The following PHACTR1 variants were observed in gnomAD, a reference collection of about 807,000 sequenced individuals.
The protein encoded by PHACTR1 is RPEL repeat containing 1.
A neutral mutation model predicts 69.2 loss-of-function variants in PHACTR1; 16 were observed. That is an observed-to-expected ratio of 0.23 (90% CI 0.16 to 0.35). PHACTR1 has a LOEUF of 0.35. Among genes scored for constraint, PHACTR1 ranks in the 10% least tolerant of loss-of-function variants. The pLI is 1.00. For synonymous variants in PHACTR1, 312 were observed against 284.5 expected (o/e 1.10, Z -0.97); for missense variants, 510 against 734.7 (o/e 0.69, Z 3.54).
At chr6:13,086,593 G>A (rs1362468739) in intron 5 of PHACTR1, among the ~76,000 whole-genome samples, 6 of 152,084 alleles carry the variant, frequency 3.9e-5, no homozygotes, top group Non-Finnish European at 4.4e-5. Flanking sequence ...TATGTAGCAC[G>A]TAGCATTTTG....
intron 4 of PHACTR1, among the ~76,000 whole-genome samples, chr6:12,799,229 C>T (rs556260666): frequency 2.0e-5 from 3 of 152,116 alleles, no homozygotes; most frequent in Admixed American, 6.5e-5. Context: ...CTTTACCCAT[C>T]GGATATGTCA....
intron 4 of PHACTR1, among the ~76,000 whole-genome samples, chr6:13,034,888 C>T (rs977700855): frequency 2.0e-5 from 3 of 152,158 alleles, no homozygotes; most frequent in Non-Finnish European, 4.4e-5. Context: ...AAATTACTTT[C>T]AATGTTTCTT....
chr6:13,024,574 G>GAGC (rs2127675033), intron 4 of PHACTR1, among the ~76,000 whole-genome samples: 1 of 152,240 alleles, frequency 6.6e-6, no homozygotes, highest in East Asian at 1.9e-4. Context: ...CACCAGACAG[G>GAGC]AGCTCATCAT....
At chr6:13,239,582 GA>G (rs929548462) in intron 10 of PHACTR1, among the ~76,000 whole-genome samples, 1 of 152,192 alleles carries the variant, frequency 6.6e-6, no homozygotes, top group African/African-American at 2.4e-5. Context: ...AGACGCATTG[GA>G]AGGAGGTAGA....
intron 7 of PHACTR1, among the ~76,000 whole-genome samples, chr6:13,190,119 G>A (rs1763336048): frequency 6.6e-6 from 1 of 150,376 alleles, no homozygotes; most frequent in South Asian, 2.1e-4. Flanking sequence ...CACCTCCTGG[G>A]TTCAAGTGAT....
At position 13,287,310 on chromosome 6, in the gene PHACTR1, A is replaced by G; in HGVS notation, c.*232A>G. The G allele has an allele frequency of 1.8e-6, 1 of 549,664 alleles. No individual in the cohort carries two copies. Among genetic ancestry groups the G allele is most frequent in the Non-Finnish European group, 3.1e-6 (1 of 318,648 alleles). 34.0% of individuals were successfully genotyped at this position (549,664 alleles called of 1,614,324 possible). ...CACTTCTGACACCAAAATGCATCCC[A>G]ACCCCCGGCAGTGCCAAGGGCACCA... On this transcript the variant is annotated 3_prime_UTR_variant, in exon 15 of 15. Transcript: ENST00000332995.
At chr6:12,725,558 T>A (rs1015679666) in intron 3 of PHACTR1, among the ~76,000 whole-genome samples, 1 of 152,178 alleles carries the variant, frequency 6.6e-6, no homozygotes. Flanking sequence ...ATAAATGGCT[T>A]TACTTCTTTA....
At chr6:12,764,944 G>A (rs905094450) in intron 4 of PHACTR1, among the ~76,000 whole-genome samples, 7 of 152,172 alleles carry the variant, frequency 4.6e-5, no homozygotes, top group Non-Finnish European at 8.8e-5. Flanking sequence ...AGGCACAGAC[G>A]TGGGTTTGAA....
intron 4 of PHACTR1, among the ~76,000 whole-genome samples, chr6:13,042,300 G>A (rs1383386000): frequency 6.6e-6 from 1 of 152,184 alleles, no homozygotes; most frequent in Non-Finnish European, 1.5e-5. Flanking sequence ...TATTCCCAGT[G>A]ATTTCACGTT....
At chr6:13,043,003 G>A (rs941866026) in intron 4 of PHACTR1, among the ~76,000 whole-genome samples, 10 of 152,148 alleles carry the variant, frequency 6.6e-5, no homozygotes, top group Non-Finnish European at 1.3e-4. Flanking sequence ...AAATATTCAG[G>A]GTTATAGTGG....
chr6:13,220,493 G>A (rs1269038032), intron 8 of PHACTR1, among the ~76,000 whole-genome samples: 1 of 152,202 alleles, frequency 6.6e-6, no homozygotes, highest in Non-Finnish European at 1.5e-5. Flanking sequence ...ACTTTGGACA[G>A]TCTGAATTAA....
At chr6:12,984,197 C>G (rs1026352019) in intron 4 of PHACTR1, among the ~76,000 whole-genome samples, 14 of 152,238 alleles carry the variant, frequency 9.2e-5, no homozygotes, top group African/African-American at 3.4e-4. Flanking sequence ...TCCACATCCT[C>G]TCCAGCACCT....
intron 7 of PHACTR1, among the ~76,000 whole-genome samples, chr6:13,192,393 T>G (rs1393707780): frequency 2.0e-5 from 3 of 152,192 alleles, no homozygotes; most frequent in Non-Finnish European, 4.4e-5. Flanking sequence ...AGGCTTATTA[T>G]GTTCAAGAAA....
At chr6:13,084,647 C>A (rs1307726446) in intron 5 of PHACTR1, among the ~76,000 whole-genome samples, 1 of 151,568 alleles carries the variant, frequency 6.6e-6, no homozygotes, top group Non-Finnish European at 1.5e-5. Context: ...TAAATAAGTG[C>A]CCCTTATTTA....
In PHACTR1 at chr6:13,013,117, C is replaced by T. The variant is rs140864850; in HGVS notation, c.251-40248C>T. Among the ~76,000 whole-genome samples the T allele has an allele frequency of 7.2e-3, 1,094 of 152,310 alleles. 13 individuals are homozygous for T. The highest frequency in any genetic ancestry group is 0.026 in the African/African-American group (1,062 of 41,562). On this transcript the variant is annotated intron_variant, in intron 4 of 14. Transcript: ENST00000332995. The stretch of plus-strand genomic sequence containing the variant: ...CCTTTGGAAATCCTGGTAGATGTCA[C>T]TCGCTTTGCTAAGCCTTAGTCACTG...
intron 4 of PHACTR1, among the ~76,000 whole-genome samples, chr6:12,783,632 C>T (rs769589990): frequency 1.3e-5 from 2 of 152,128 alleles, no homozygotes; most frequent in African/African-American, 2.4e-5. Flanking sequence ...GCTTCTGTAA[C>T]AGTTAACCTT....
intron 5 of PHACTR1, among the ~76,000 whole-genome samples, chr6:13,095,794 T>C (rs982910784): frequency 1.6e-5 from 2 of 127,048 alleles, no homozygotes; most frequent in African/African-American, 5.8e-5. Context: ...AGACCAGGCT[T>C]GTAAAGCTTA....
At chr6:12,804,740 A>G (rs1774106016) in intron 4 of PHACTR1, among the ~76,000 whole-genome samples, 1 of 152,182 alleles carries the variant, frequency 6.6e-6, no homozygotes, top group Admixed American at 6.5e-5. Flanking sequence ...GTGAGGTTGC[A>G]GTGAGCTGAA....
chr6:13,171,410 C>A (rs1251341806), intron 6 of PHACTR1, among the ~76,000 whole-genome samples: 1 of 152,214 alleles, frequency 6.6e-6, no homozygotes, highest in Non-Finnish European at 1.5e-5. Flanking sequence ...AGTGTAGCAG[C>A]ATCATTTTAA....
Sources: gnomAD v4.1 joint callset for allele counts (sites outside exome capture counted in the v4.1 genomes callset) on GRCh38, gnomAD v4.1.1 for gene constraint, MANE v1.5 for transcripts, NCBI Gene and HGNC (gene_info 2026-07-23, HGNC 2026-07-21) for gene names.